The following CLSTN1 variants were observed in gnomAD, a reference collection of about 807,000 sequenced individuals.
The protein encoded by CLSTN1 is calsyntenin-1.
Under a neutral mutation model 108.3 loss-of-function variants are expected in CLSTN1, and 28 were observed. That is an observed-to-expected ratio of 0.26 (90% CI 0.19 to 0.35). The LOEUF (loss-of-function observed/expected upper bound fraction) is 0.35. Among genes scored for constraint, CLSTN1 ranks in the 10% least tolerant of loss-of-function variants. The pLI is 1.00. For synonymous variants in CLSTN1, 524 were observed against 534.9 expected (o/e 0.98, Z 0.28); for missense variants, 1,157 against 1,302.6 (o/e 0.89, Z 1.72).
At chr1:9,786,138 G>A (rs968042156) in intron 1 of CLSTN1, among the ~76,000 whole-genome samples, 5 of 152,098 alleles carry the variant, frequency 3.3e-5, no homozygotes, top group African/African-American at 1.2e-4. Context: ...GCAGTGAGCT[G>A]AGATCACACC....
At chr1:9,732,139 G>A (rs1650437570) in intron 16 of CLSTN1, among the ~76,000 whole-genome samples, 1 of 152,198 alleles carries the variant, frequency 6.6e-6, no homozygotes, top group Non-Finnish European at 1.5e-5. Flanking sequence ...CTTAGAAACT[G>A]CTATAACAAT....
In CLSTN1 at chr1:9,808,351, C is replaced by T. The variant is rs370077460; in HGVS notation, c.91+15292G>A. 1.9e-4 allele frequency among the ~76,000 whole-genome samples: 29 copies of T among 152,298 alleles called. 1 individual carries two copies. In the East Asian group the frequency reaches 5.0e-3, roughly 26 times the overall value. ...GAGCGTGAACGCATGTGCATGCATG[C>T]GCTGGAATTTACTGCCAATCTACCC... On this transcript the variant is annotated intron_variant, in intron 1 of 18. Coordinates refer to ENST00000377298, the MANE Select transcript of CLSTN1 (RefSeq NM_001009566.3).
intron 1 of CLSTN1, among the ~76,000 whole-genome samples, chr1:9,816,331 G>A (rs931036445): frequency 2.0e-5 from 3 of 152,120 alleles, no homozygotes; most frequent in African/African-American, 7.2e-5. Flanking sequence ...ATAGACTAGG[G>A]GTTGCCAAGG....
chr1:9,733,998 C>A lies in CLSTN1; in HGVS notation c.2255G>T (p.Ser752Ile), dbSNP rs1255384641. 6.2e-7 allele frequency: 1 copy of A among 1,614,080 alleles called. No individual in the cohort carries two copies. The highest frequency in any genetic ancestry group is 8.5e-7 in the Non-Finnish European group (1 of 1,180,006). ...RLQQKGIEVS[S>I]SELGMTFTGV... ...TGTGAAGGTCATGCCCAGTTCAGAGCTGCTCACTTCAATGCCCTTCTGCTG... is the reference window on the plus strand; with the variant it reads ...TGTGAAGGTCATGCCCAGTTCAGAGATGCTCACTTCAATGCCCTTCTGCTG... Residue 752 changes from serine (S) to isoleucine (I), a missense_variant, in exon 15 of 19, where the codon AGC (serine) becomes ATC (isoleucine). Transcript: ENST00000377298.
At chr1:9,731,626 TTG>T in intron 17 of CLSTN1, 133 bp downstream of exon 17, 1 of 991,430 alleles carries the variant, frequency 1.0e-6, no homozygotes, top group Non-Finnish European at 1.5e-6. Context: ...TTTAGTTTCC[TTG>T]TGTGTGATGG....
chr1:9,788,024 G>A (rs11807364), intron 1 of CLSTN1, among the ~76,000 whole-genome samples: 1,525 of 151,476 alleles, frequency 0.01, 33 homozygotes, highest in African/African-American at 0.033. Flanking sequence ...GGAAGCTGAG[G>A]AAGGTGGATC....
intron 1 of CLSTN1, among the ~76,000 whole-genome samples, chr1:9,784,172 CA>C (rs34315931): frequency 0.01 from 843 of 83,700 alleles, 5 homozygotes; most frequent in Non-Finnish European, 0.013. Flanking sequence ...AACTCTATCT[CA>C]AAAAAAAAAA....
At chr1:9,775,631 C>A (rs1462343293) in intron 1 of CLSTN1, among the ~76,000 whole-genome samples, 11 of 152,048 alleles carry the variant, frequency 7.2e-5, no homozygotes, top group African/African-American at 2.7e-4. Context: ...TTTATGTTCA[C>A]CTTAAGAGGG....
At position 9,792,723 on chromosome 1, in the gene CLSTN1, A is replaced by G. The variant is rs1213300129; in HGVS notation, c.92-19329T>C. On this transcript the variant is annotated intron_variant, in intron 1 of 18. Coordinates refer to ENST00000377298, the MANE Select transcript of CLSTN1 (RefSeq NM_001009566.3). ...CGTGAAGATGGGTCCCTGAAACAAG[A>G]GCACGTTTGCAGGTAAAAATCCCCA... Among the ~76,000 whole-genome samples, 12 of 151,366 alleles carry G rather than the reference A, an allele frequency of 7.9e-5. 1 individual carries two copies.
At position 9,745,207 on chromosome 1, in the gene CLSTN1, C is replaced by T. The variant is rs183003455; in HGVS notation, c.986-564G>A. ...TCGCACCCCTGCACTCCAGCCTGGG[C>T]AACAGAGCGAGACTCCGTCTCAAAA... On this transcript the variant is annotated intron_variant, in intron 7 of 18. Transcript: ENST00000377298. 3.2e-3 allele frequency among the ~76,000 whole-genome samples: 403 copies of T among 124,552 alleles called. 2 individuals carry two copies. The highest frequency in any genetic ancestry group is 6.2e-3 in the Middle Eastern group (1 of 162). The allele number at this position is 124,552 out of a possible 152,430, so 81.7% of individuals were successfully genotyped here. A position where few individuals can be genotyped will look rare whatever the true frequency, so the allele number is the denominator to read the frequency against.
chr1:9,765,485 C>T (rs12034313), intron 2 of CLSTN1, among the ~76,000 whole-genome samples: 1 of 151,624 alleles, frequency 6.6e-6, no homozygotes, highest in African/African-American at 2.4e-5. Context: ...AGTTTGAGAC[C>T]AGCCTGGCCA....
intron 1 of CLSTN1, among the ~76,000 whole-genome samples, chr1:9,778,223 A>ACACACAC (rs1653049519): frequency 1.5e-5 from 2 of 134,430 alleles, no homozygotes; most frequent in African/African-American, 2.8e-5. Flanking sequence ...TCTCCTCCCC[A>ACACACAC]ACACACACAC....
intron 1 of CLSTN1, among the ~76,000 whole-genome samples, chr1:9,821,594 T>C (rs918474633): frequency 4.6e-5 from 7 of 152,352 alleles, no homozygotes; most frequent in Admixed American, 3.3e-4. Flanking sequence ...AGCTACAGCA[T>C]GAACAGGAGT....
intron 1 of CLSTN1, among the ~76,000 whole-genome samples, chr1:9,807,563 C>A (rs1462019303): frequency 6.6e-6 from 1 of 152,168 alleles, no homozygotes; most frequent in East Asian, 1.9e-4. Flanking sequence ...CAGTTAAATT[C>A]TTTGATGAAA....
At chr1:9,813,276 C>T (rs1317555121) in intron 1 of CLSTN1, among the ~76,000 whole-genome samples, 1 of 151,544 alleles carries the variant, frequency 6.6e-6, no homozygotes, top group Non-Finnish European at 1.5e-5. Flanking sequence ...GGCGGGTGAA[C>T]TGCCTGAGCT....
chr1:9,816,873 C>T (rs1557728858), intron 1 of CLSTN1, among the ~76,000 whole-genome samples: 1 of 152,176 alleles, frequency 6.6e-6, no homozygotes, highest in Admixed American at 6.5e-5. Flanking sequence ...TCTCTTTCTC[C>T]CAACCTCAGA....
chr1:9,808,715 G>T (rs1654609189), intron 1 of CLSTN1, among the ~76,000 whole-genome samples: 2 of 152,038 alleles, frequency 1.3e-5, no homozygotes, highest in South Asian at 4.1e-4. Flanking sequence ...CAGGAAAAAG[G>T]CCTCAATCTG....
Position 9,780,828 on chromosome 1 carries a change from C to T in CLSTN1, c.92-7434G>A, listed in dbSNP as rs184232581. 1,028 of 218,776 alleles carry T rather than the reference C, an allele frequency of 4.7e-3. 7 individuals are homozygous for T. The highest frequency in any genetic ancestry group is 7.2e-3 in the Non-Finnish European group (822 of 113,852). The allele number at this position is 218,776 out of a possible 1,614,324, so 13.6% of individuals were successfully genotyped here. On this transcript the variant is annotated intron_variant, in intron 1 of 18. Transcript: ENST00000377298. The stretch of plus-strand genomic sequence containing the variant: ...TAAAAAACAAACTAAACTGCTTCTC[C>T]TGCCTCCCTTGGCCTCAGCCATGGC...
rs185061394 is a variant in CLSTN1, at chr1:9,806,683, T to C, written c.91+16960A>G. Among the ~76,000 whole-genome samples, 659 of 152,136 alleles carry C rather than the reference T, an allele frequency of 4.3e-3. 2 individuals carry two copies. The highest frequency in any genetic ancestry group is 9.6e-3 in the Admixed American group (146 of 15,282). ...TCACGAGGTCAGGAGATTGAGACCATCCTGGCTAACATGGTGAAACCCTGT... is the reference window on the plus strand; with the variant it reads ...TCACGAGGTCAGGAGATTGAGACCACCCTGGCTAACATGGTGAAACCCTGT... On this transcript the variant is annotated intron_variant, in intron 1 of 18. Transcript: ENST00000377298.
Sources: allele counts gnomAD v4.1 joint callset (sites outside exome capture counted in the v4.1 genomes callset), GRCh38; gene constraint gnomAD v4.1.1; transcripts MANE v1.5; gene names NCBI Gene and HGNC (gene_info 2026-07-23, HGNC 2026-07-21).